Variants in CEP192 observed in about 807,000 individuals in gnomAD.
The protein encoded by CEP192 is centrosomal protein 192.
Under a neutral mutation model 271.8 loss-of-function variants are expected in CEP192, and 151 were observed. The ratio of observed to expected loss-of-function variants is 0.56; its 90% CI spans 0.49 to 0.64. CEP192 has a LOEUF of 0.64. CEP192 is among the 30% of genes least tolerant of loss of function. The pLI, the probability that CEP192 is intolerant of heterozygous loss-of-function variation, is 0.00. For missense variants in CEP192, 2,910 were observed against 3,020.5 expected (o/e 0.96, Z 0.86); for synonymous variants, 995 against 1,076.5 (o/e 0.92, Z 1.48).
intron 15 of CEP192, among the ~76,000 whole-genome samples, chr18:13,047,164 C>A (rs2036528368): frequency 6.6e-6 from 1 of 152,162 alleles, no homozygotes; most frequent in African/African-American, 2.4e-5. Context: ...ATGTCTGCTT[C>A]TGACAGGGAG....
chr18:13,096,016 TTTTCCTCTTTG>T (rs1319867452), intron 35 of CEP192, among the ~76,000 whole-genome samples, 157 bp from the exon 36 acceptor site: 1 of 152,198 alleles, frequency 6.6e-6, no homozygotes, highest in Non-Finnish European at 1.5e-5. Flanking sequence ...CAGGATTCCT[TTTTCCTCTTTG>T]TTTACTACCA....
intron 9 of CEP192, among the ~76,000 whole-genome samples, chr18:13,022,758 G>T (rs868130674): frequency 6.6e-6 from 1 of 152,326 alleles, no homozygotes; most frequent in African/African-American, 2.4e-5. Context: ...TAAATTGAAT[G>T]TATAGGTGAA....
At chr18:13,113,535 A>G (rs1288739115) in intron 40 of CEP192, 51 bp from the exon 41 acceptor site, 3 of 1,576,846 alleles carry the variant, frequency 1.9e-6, no homozygotes, top group Admixed American at 1.7e-5. Flanking sequence ...TCTAGCTAAC[A>G]CTGTGTTTAA....
Position 13,071,752 on chromosome 18 carries a change from C to T in CEP192, c.5348+540C>T, listed in dbSNP as rs144393353. Reference sequence around the variant, plus strand: ...TTTTTTTGAGACTCCCTGTATTGTACAGGTTTATCTTTAAAAGTATCTCTG... The same window carrying T: ...TTTTTTTGAGACTCCCTGTATTGTATAGGTTTATCTTTAAAAGTATCTCTG... On this transcript the variant is annotated intron_variant, in intron 28 of 44. Coordinates refer to ENST00000506447, the MANE Select transcript of CEP192 (RefSeq NM_032142.4). 5.4e-3 allele frequency among the ~76,000 whole-genome samples: 820 copies of T among 151,988 alleles called. 9 individuals are homozygous for T. Among genetic ancestry groups the T allele is most frequent in the African/African-American group, 0.018 (743 of 41,440 alleles).
At chr18:13,018,013 T>C (rs1306140668) in intron 7 of CEP192, among the ~76,000 whole-genome samples, 1 of 152,176 alleles carries the variant, frequency 6.6e-6, no homozygotes, top group Non-Finnish European at 1.5e-5. Context: ...CTGTTTTCTC[T>C]CCTGACTAGA....
intron 30 of CEP192, among the ~76,000 whole-genome samples, chr18:13,075,284 C>T (rs575648037): frequency 3.5e-4 from 53 of 149,588 alleles, no homozygotes; most frequent in Admixed American, 1.5e-3. Context: ...GAGAGCAGCC[C>T]GGCCGGGTGC....
intron 1 of CEP192, among the ~76,000 whole-genome samples, chr18:12,993,543 C>T (rs560918917): frequency 2.0e-4 from 30 of 152,316 alleles, no homozygotes; most frequent in African/African-American, 5.8e-4. Flanking sequence ...TATTCACATG[C>T]ATGGTCATAG....
chr18:13,100,327 G>A lies in CEP192; in HGVS notation c.6686G>A (p.Arg2229Gln), dbSNP rs74340616. The A allele has an allele frequency of 7.5e-3, 12,099 of 1,613,736 alleles. 324 individuals carry two copies. The Admixed American group carries it at 0.085, about 11-fold the overall frequency. ...CAGAAAATTGTGAAAGTTCAAATTC[G>A]AGAAGATTTAACTCAAGTGGAACTT... ...GQKKIVKVQIREDLTQVELLT... is the reference protein window; with the variant it reads ...GQKKIVKVQIQEDLTQVELLT... The change falls in exon 38 of 45, where the codon CGA becomes CAA. Residue 2229 changes from arginine to glutamine, a missense_variant. Physicochemically the swap from Arg to Gln is conservative, Grantham distance 43 (BLOSUM62 1). Coordinates refer to ENST00000506447, the MANE Select transcript of CEP192 (RefSeq NM_032142.4).
intron 11 of CEP192, among the ~76,000 whole-genome samples, chr18:13,031,704 T>G (rs1425038076): frequency 6.6e-6 from 1 of 152,066 alleles, no homozygotes; most frequent in Non-Finnish European, 1.5e-5. Flanking sequence ...CCCAGAATGA[T>G]GAGACAAGAA....
chr18:13,009,427 C>T (rs1452582288), intron 4 of CEP192, among the ~76,000 whole-genome samples: 1 of 152,138 alleles, frequency 6.6e-6, no homozygotes. Context: ...AATTTTGTTT[C>T]TAAGCCTATT....
intron 15 of CEP192, among the ~76,000 whole-genome samples, chr18:13,048,589 G>A (rs946614299): frequency 6.6e-6 from 1 of 152,196 alleles, no homozygotes; most frequent in African/African-American, 2.4e-5. Context: ...GAAGGACAGA[G>A]AAATTCATGC....
Position 13,071,077 on chromosome 18 carries a change from A to G in CEP192, c.5213A>G (p.Tyr1738Cys), listed in dbSNP as rs150818049. The G allele has an allele frequency of 4.0e-5, 64 of 1,613,424 alleles. No individual in the cohort carries two copies. Among genetic ancestry groups the G allele is most frequent in the Admixed American group, 3.3e-5 (2 of 60,008 alleles). The change falls in exon 28 of 45, where the codon TAT becomes TGT. Residue 1738 changes from tyrosine (Y) to cysteine (C), a missense_variant. Tyr to Cys is a radical substitution (Grantham distance 194). Transcript: ENST00000506447. ...TTTGTGCAGCCATTTGGACCTCAGT[A>G]TGAGGTAGTGTTAAAAGGCGAAGTC... ...KIFVQPFGPQYEVVLKGEVIS... is the reference protein window; with the variant it reads ...KIFVQPFGPQCEVVLKGEVIS...
chr18:13,105,963 C>T (rs1433345472), intron 40 of CEP192, among the ~76,000 whole-genome samples: 1 of 152,146 alleles, frequency 6.6e-6, no homozygotes, highest in African/African-American at 2.4e-5. Flanking sequence ...TCAGCACAGT[C>T]CCAATCAAAA....
chr18:13,031,843 T>C (rs983409677), intron 11 of CEP192, among the ~76,000 whole-genome samples: 1 of 152,118 alleles, frequency 6.6e-6, no homozygotes, highest in Non-Finnish European at 1.5e-5. Flanking sequence ...AGGTAGAGTT[T>C]TCACAGGTAA....
chr18:13,108,029 A>T (rs2040037686), intron 40 of CEP192, among the ~76,000 whole-genome samples: 1 of 152,188 alleles, frequency 6.6e-6, no homozygotes, highest in African/African-American at 2.4e-5. Context: ...CAACAAAGTC[A>T]ACAAAAATAA....
Position 13,070,008 on chromosome 18 carries a change from A to G in CEP192, c.5174+152A>G, listed in dbSNP as rs1450647476. The G allele has an allele frequency of 4.6e-5, 25 of 540,738 alleles. No individual in the cohort carries two copies. The East Asian group carries it at 9.3e-4, about 20-fold the overall frequency. The allele number at this position is 540,738 out of a possible 1,614,324, so 33.5% of individuals were successfully genotyped here. On this transcript the variant is annotated intron_variant, in intron 27 of 44. Transcript: ENST00000506447. ...AAATCCTGTCTCTACTAAAAATACAAAAATTAGCAGGGCTTGGTGGTGTGC... is the reference window on the plus strand; with the variant it reads ...AAATCCTGTCTCTACTAAAAATACAGAAATTAGCAGGGCTTGGTGGTGTGC...
At chr18:13,075,814 C>T (rs955579611) in intron 30 of CEP192, among the ~76,000 whole-genome samples, 4 of 152,078 alleles carry the variant, frequency 2.6e-5, no homozygotes, top group African/African-American at 7.2e-5. Context: ...GATACGTGGC[C>T]GTGATCGTGC....
At chr18:13,027,475 G>C (rs914948292) in intron 9 of CEP192, among the ~76,000 whole-genome samples, 1 of 152,078 alleles carries the variant, frequency 6.6e-6, no homozygotes, top group Admixed American at 6.6e-5. Context: ...TACATGTCAG[G>C]TATTCCTTCT....
intron 9 of CEP192, among the ~76,000 whole-genome samples, chr18:13,021,295 G>C (rs2034978782): frequency 6.6e-6 from 1 of 152,176 alleles, no homozygotes; most frequent in Non-Finnish European, 1.5e-5. Context: ...TATATATAGT[G>C]TTAGGTAAGG....
Sources: gnomAD v4.1 joint callset for allele counts (sites outside exome capture counted in the v4.1 genomes callset) on GRCh38, gnomAD v4.1.1 for gene constraint, MANE v1.5 for transcripts, NCBI Gene and HGNC (gene_info 2026-07-23, HGNC 2026-07-21) for gene names.